Variants in LYRM4 observed in about 807,000 individuals in gnomAD.
LYRM4 encodes the protein LYR motif-containing protein 4.
Under a neutral mutation model 11.7 loss-of-function variants are expected in LYRM4, and 9 were observed. The ratio of observed to expected loss-of-function variants is 0.77; its 90% CI spans 0.46 to 1.34. The LOEUF is 1.34. Ranked by LOEUF, LYRM4 falls within the 40% of genes most tolerant of loss-of-function variation. The pLI, the probability that LYRM4 is intolerant of heterozygous loss-of-function variation, is 0.00. For synonymous variants in LYRM4, 42 were observed against 40.4 expected (o/e 1.04, Z -0.15); for missense variants, 133 against 112.5 (o/e 1.18, Z -0.82).
chr6:5,054,159 C>T, the LYRM4 span: 1 of 980,026 alleles, frequency 1.0e-6, no homozygotes, highest in African/African-American at 1.8e-5. Context: ...TTGAGTGTCT[C>T]TGCAGGGAGG....
chr6:5,148,666 T>TACACACACACAC (rs748765432), intron 2 of LYRM4, among the ~76,000 whole-genome samples: 1 of 14,376 alleles, frequency 7.0e-5, no homozygotes, highest in African/African-American at 2.3e-4. Flanking sequence ...CACACACCTC[T>TACACACACACAC]CTCTCTCTCT....
intron 1 of LYRM4, among the ~76,000 whole-genome samples, chr6:5,251,494 G>C (rs1318196932): frequency 2.0e-5 from 3 of 152,138 alleles, no homozygotes; most frequent in African/African-American, 7.2e-5. Context: ...GGTGAAGGGG[G>C]AGCAGACACA....
Position 5,109,176 on chromosome 6 carries a change from C to A in LYRM4, c.*247G>T. On this transcript the variant is annotated 3_prime_UTR_variant, in exon 3 of 3. Transcript: ENST00000330636. ...AGGTAGGAATGGGGTGCAGGGGAGA[C>A]GTGGTAACACACAGCACTATTCTGA... 1 of 1,350,870 alleles carries A rather than the reference C, an allele frequency of 7.4e-7. No homozygotes were observed. The highest frequency in any genetic ancestry group is 9.5e-7 in the Non-Finnish European group (1 of 1,047,970). 83.7% of individuals were successfully genotyped at this position (1,350,870 alleles called of 1,614,324 possible). A position where few individuals can be genotyped will look rare whatever the true frequency, so the allele number is the denominator to read the frequency against.
At chr6:5,104,897 A>C (rs1762614903), downstream of LYRM4, 1 of 152,246 alleles carries the variant, frequency 6.6e-6, no homozygotes, top group South Asian at 2.1e-4. Flanking sequence ...CTGGTTGGCC[A>C]GCCCTTCCAT....
At chr6:5,224,687 C>T (rs143504003) in intron 1 of LYRM4, among the ~76,000 whole-genome samples, 28 of 152,342 alleles carry the variant, frequency 1.8e-4, no homozygotes, top group East Asian at 7.7e-4. Flanking sequence ...CAGCCAGGCA[C>T]GGTAGCTCCT....
At chr6:5,192,670 T>C (rs1760827012) in intron 2 of LYRM4, among the ~76,000 whole-genome samples, 1 of 152,164 alleles carries the variant, frequency 6.6e-6, no homozygotes, top group East Asian at 1.9e-4. Context: ...ATCTAACTTC[T>C]GAATCTGCGC....
chr6:5,222,764 G>GAAAAAAAAAAAAAAAAAA (rs56295961), intron 1 of LYRM4, among the ~76,000 whole-genome samples: 1 of 139,962 alleles, frequency 7.1e-6, no homozygotes, highest in Non-Finnish European at 1.5e-5. Context: ...AGCAAAACAA[G>GAAAAAAAAAAAAAAAAAA]AAAAAAAAAA....
intron 2 of LYRM4, among the ~76,000 whole-genome samples, chr6:5,124,557 G>C (rs1763616372): frequency 6.6e-6 from 1 of 152,180 alleles, no homozygotes; most frequent in African/African-American, 2.4e-5. Context: ...CTCATGGGTG[G>C]ATCTCCAAGC....
intron 2 of LYRM4, among the ~76,000 whole-genome samples, chr6:5,121,657 G>A (rs12191255): frequency 0.18 from 27,221 of 152,174 alleles, 2,676 homozygotes; most frequent in African/African-American, 0.24. Flanking sequence ...CAAACATCAC[G>A]TCAGAGGAAA....
intron 1 of LYRM4, among the ~76,000 whole-genome samples, chr6:5,219,705 CT>C (rs1045831777): frequency 6.9e-4 from 100 of 144,842 alleles, no homozygotes; most frequent in South Asian, 1.1e-3. Context: ...TTATCATTTG[CT>C]TTTTTTTTTT....
intron 2 of LYRM4, among the ~76,000 whole-genome samples, chr6:5,162,096 A>G (rs11242995): frequency 0.33 from 49,638 of 152,014 alleles, 9,620 homozygotes; most frequent in East Asian, 0.5. Flanking sequence ...GTTGCTCAGG[A>G]GGGTGAGCAT....
At chr6:5,230,286 C>T (rs1400089199) in intron 1 of LYRM4, among the ~76,000 whole-genome samples, 2 of 152,152 alleles carry the variant, frequency 1.3e-5, no homozygotes, top group African/African-American at 4.8e-5. Context: ...CTACTTTTGT[C>T]AGGGGAAAAA....
chr6:5,121,337 T>G (rs1763446714), intron 2 of LYRM4, among the ~76,000 whole-genome samples: 1 of 152,164 alleles, frequency 6.6e-6, no homozygotes, highest in South Asian at 2.1e-4. Flanking sequence ...ACCTGTACTT[T>G]AGAGGAGCTG....
At chr6:5,219,734 TC>T (rs1762477490) in intron 1 of LYRM4, among the ~76,000 whole-genome samples, 1 of 152,144 alleles carries the variant, frequency 6.6e-6, no homozygotes. Context: ...TCTTTGCTTT[TC>T]TTTTTTGCAG....
chr6:5,097,844 T>G, the LYRM4 span, among the ~76,000 whole-genome samples: 1 of 152,210 alleles, frequency 6.6e-6, no homozygotes, highest in African/African-American at 2.4e-5. Flanking sequence ...ATCATACACA[T>G]GCTGTACATA....
At chr6:5,032,056 C>T in the LYRM4 span, 1 of 152,100 alleles carries the variant, frequency 6.6e-6, no homozygotes, top group Non-Finnish European at 1.5e-5. Flanking sequence ...ATGGGCTATA[C>T]TTTGTAATTA....
intron 2 of LYRM4, among the ~76,000 whole-genome samples, chr6:5,123,035 A>AT (rs1763531194): frequency 6.6e-6 from 1 of 152,168 alleles, no homozygotes; most frequent in Admixed American, 6.5e-5. Context: ...GGCTAACGAT[A>AT]TTGGGGTCAT....
At chr6:5,190,175 T>C (rs930804141) in intron 2 of LYRM4, among the ~76,000 whole-genome samples, 1 of 152,200 alleles carries the variant, frequency 6.6e-6, no homozygotes, top group Non-Finnish European at 1.5e-5. Context: ...GAGTAGATAC[T>C]ACTGGAGTCT....
At chr6:5,229,432 T>A (rs1763101698) in intron 1 of LYRM4, among the ~76,000 whole-genome samples, 1 of 152,122 alleles carries the variant, frequency 6.6e-6, no homozygotes, top group African/African-American at 2.4e-5. Flanking sequence ...TCTGATTACA[T>A]CCACAGGTGC....
Sources: allele counts gnomAD v4.1 joint callset (sites outside exome capture counted in the v4.1 genomes callset), GRCh38; gene constraint gnomAD v4.1.1; transcripts MANE v1.5; gene names NCBI Gene and HGNC (gene_info 2026-07-23, HGNC 2026-07-21).